Variants in MSRB3 observed in about 807,000 individuals in gnomAD.
The protein encoded by MSRB3 is methionine-R-sulfoxide reductase B3.
A neutral mutation model predicts 21.0 loss-of-function variants in MSRB3; 13 were observed. That is an observed-to-expected ratio of 0.62 (90% CI 0.40 to 0.98). The LOEUF (loss-of-function observed/expected upper bound fraction) is 0.98, where lower values mean the gene tolerates loss of function less well. MSRB3 is among the 50% of genes least tolerant of loss of function. The pLI, the probability that MSRB3 is intolerant of heterozygous loss-of-function variation, is 0.00. For missense variants in MSRB3, 199 were observed against 230.3 expected (o/e 0.86, Z 0.88); for synonymous variants, 87 against 88.6 (o/e 0.98, Z 0.10).
chr12:65,278,949 G>T, intron 1 of MSRB3, 84 bp downstream of exon 1: 1 of 1,485,098 alleles, frequency 6.7e-7, no homozygotes, highest in Non-Finnish European at 9.1e-7. Context: ...ACCCCGAGCC[G>T]GGATTCCATT....
At chr12:65,397,280 C>T in intron 5 of MSRB3, among the ~76,000 whole-genome samples, 1 of 152,128 alleles carries the variant, frequency 6.6e-6, no homozygotes. Context: ...TTCTTGTAGA[C>T]AGCATATATT....
chr12:65,384,393 A>C (rs1324796528), intron 5 of MSRB3, among the ~76,000 whole-genome samples: 3 of 152,228 alleles, frequency 2.0e-5, no homozygotes. Flanking sequence ...TGTTACTAAG[A>C]GTCAACAGGA....
intron 6 of MSRB3, among the ~76,000 whole-genome samples, chr12:65,455,661 TAGAC>T (rs1473989648): frequency 1.3e-5 from 2 of 152,172 alleles, no homozygotes; most frequent in Non-Finnish European, 2.9e-5. Context: ...CCCAGATAGA[TAGAC>T]AGGTTGAAAA....
chr12:65,322,072 T>G (rs920673443), intron 2 of MSRB3, among the ~76,000 whole-genome samples: 1 of 152,166 alleles, frequency 6.6e-6, no homozygotes, highest in Non-Finnish European at 1.5e-5. Flanking sequence ...TTAAAAGTAC[T>G]CTAAGGTTTA....
At chr12:65,445,979 G>GTAC (rs1882599757) in intron 5 of MSRB3, among the ~76,000 whole-genome samples, 1 of 152,048 alleles carries the variant, frequency 6.6e-6, no homozygotes, top group Non-Finnish European at 1.5e-5. Flanking sequence ...TTTATTTCAG[G>GTAC]TACCTCTTAA....
intron 5 of MSRB3, among the ~76,000 whole-genome samples, chr12:65,420,793 G>A (rs1471870667): frequency 6.6e-6 from 1 of 152,194 alleles, no homozygotes; most frequent in Non-Finnish European, 1.5e-5. Flanking sequence ...TTCTGCATAT[G>A]ACATGGTCTT....
chr12:65,325,482 C>G (rs1314224541), intron 2 of MSRB3, among the ~76,000 whole-genome samples: 1 of 151,986 alleles, frequency 6.6e-6, no homozygotes, highest in Admixed American at 6.6e-5. Context: ...TCCATTTTCT[C>G]TTGTGGAGAA....
At chr12:65,403,779 T>A (rs191112446) in intron 5 of MSRB3, among the ~76,000 whole-genome samples, 1 of 152,304 alleles carries the variant, frequency 6.6e-6, no homozygotes, top group East Asian at 1.9e-4. Flanking sequence ...GTGAAGACCA[T>A]GGAAAACACG....
At chr12:65,337,004 G>A (rs1218704695) in intron 4 of MSRB3, among the ~76,000 whole-genome samples, 2 of 152,182 alleles carry the variant, frequency 1.3e-5, no homozygotes, top group African/African-American at 4.8e-5. Context: ...AGCACTTTGG[G>A]CGGCTGAGGC....
Position 65,349,479 on chromosome 12 carries a change from G to A in MSRB3, c.264-19519G>A, listed in dbSNP as rs576072170. Among the ~76,000 whole-genome samples the A allele has an allele frequency of 5.4e-3, 821 of 151,394 alleles. 5 individuals are homozygous for A. Among genetic ancestry groups the A allele is most frequent in the African/African-American group, 0.019 (774 of 40,808 alleles). ...TCTAGTTCTAGATCCCTGAGGAATC[G>A]CCACACTGACTTCCACAATGGATGA... On this transcript the variant is annotated intron_variant, in intron 4 of 6. Coordinates refer to ENST00000308259, the MANE Select transcript of MSRB3 (RefSeq NM_001031679.3).
chr12:65,348,781 G>T (rs1876715334), intron 4 of MSRB3, among the ~76,000 whole-genome samples: 1 of 152,090 alleles, frequency 6.6e-6, no homozygotes, highest in Non-Finnish European at 1.5e-5. Flanking sequence ...ATTCTGGTAT[G>T]TTGTGTCTTT....
At chr12:65,440,210 A>T (rs1161069892) in intron 5 of MSRB3, among the ~76,000 whole-genome samples, 3 of 151,810 alleles carry the variant, frequency 2.0e-5, no homozygotes, top group East Asian at 3.9e-4. Flanking sequence ...CAAACATCCT[A>T]TATGAAAATA....
chr12:65,340,376 A>C (rs1188755708), intron 4 of MSRB3, among the ~76,000 whole-genome samples: 1 of 152,190 alleles, frequency 6.6e-6, no homozygotes, highest in Non-Finnish European at 1.5e-5. Flanking sequence ...TAACATGTAT[A>C]TAATTAGAGC....
intron 5 of MSRB3, among the ~76,000 whole-genome samples, chr12:65,405,135 T>C (rs1880343184): frequency 6.6e-6 from 1 of 151,850 alleles, no homozygotes; most frequent in Non-Finnish European, 1.5e-5. Flanking sequence ...GTATTTTTCG[T>C]AGAGATGGGT....
intron 5 of MSRB3, among the ~76,000 whole-genome samples, chr12:65,448,148 G>C (rs1467033449): frequency 6.6e-6 from 1 of 152,178 alleles, no homozygotes; most frequent in Admixed American, 6.5e-5. Flanking sequence ...GCAAAGGATA[G>C]GTGGAGGGAA....
At chr12:65,430,017 AT>A (rs34085180) in intron 5 of MSRB3, among the ~76,000 whole-genome samples, 13 of 151,266 alleles carry the variant, frequency 8.6e-5, no homozygotes, top group African/African-American at 1.5e-4. Context: ...ATTTTACTAC[AT>A]TTTTTTTTCA....
intron 2 of MSRB3, among the ~76,000 whole-genome samples, chr12:65,320,170 A>G (rs992118412): frequency 2.0e-5 from 3 of 152,164 alleles, no homozygotes; most frequent in Non-Finnish European, 2.9e-5. Context: ...GAAGGCATTA[A>G]ATGTGATTAT....
At chr12:65,333,392 T>C (rs1167577870) in intron 4 of MSRB3, among the ~76,000 whole-genome samples, 1 of 152,174 alleles carries the variant, frequency 6.6e-6, no homozygotes, top group African/African-American at 2.4e-5. Flanking sequence ...AGAACACACT[T>C]TACCAGGCCA....
intron 5 of MSRB3, among the ~76,000 whole-genome samples, chr12:65,437,888 C>T (rs1000509053): frequency 6.6e-6 from 1 of 151,822 alleles, no homozygotes; most frequent in East Asian, 1.9e-4. Context: ...GGCTGAAGTG[C>T]TCCCTTTTTC....
Sources: allele counts gnomAD v4.1 joint callset (sites outside exome capture counted in the v4.1 genomes callset), GRCh38; gene constraint gnomAD v4.1.1; transcripts MANE v1.5; gene names NCBI Gene and HGNC (gene_info 2026-07-23, HGNC 2026-07-21).